Variants in FAM13A observed in about 807,000 individuals in gnomAD.
FAM13A encodes the protein protein FAM13A.
In FAM13A, 76 loss-of-function variants were observed where a neutral mutation model predicts 129.6. The ratio of observed to expected loss-of-function variants is 0.59; its 90% CI spans 0.49 to 0.71. The LOEUF (loss-of-function observed/expected upper bound fraction) is 0.71. Ranked by LOEUF, FAM13A falls within the 30% of genes least tolerant of loss-of-function variation. The pLI is 0.00. For missense variants in FAM13A, 1,108 were observed against 1,249.3 expected (o/e 0.89, Z 1.70); for synonymous variants, 443 against 449.9 (o/e 0.98, Z 0.20).
intron 7 of FAM13A, among the ~76,000 whole-genome samples, chr4:88,809,097 T>C (rs1176265885): frequency 6.6e-6 from 1 of 152,144 alleles, no homozygotes; most frequent in African/African-American, 2.4e-5. Context: ...ATTTCTAAAC[T>C]GAAGCCACAG....
intron 4 of FAM13A, among the ~76,000 whole-genome samples, chr4:88,988,082 C>T (rs1185197149): frequency 2.6e-5 from 4 of 152,042 alleles, no homozygotes; most frequent in African/African-American, 9.7e-5. Flanking sequence ...CACCATGGCA[C>T]ATGTCTACCT....
At chr4:88,935,368 A>G (rs1438574396) in intron 5 of FAM13A, among the ~76,000 whole-genome samples, 1 of 152,196 alleles carries the variant, frequency 6.6e-6, no homozygotes, top group Non-Finnish European at 1.5e-5. Flanking sequence ...ATACAGAGGT[A>G]TGTCAGTGTT....
intron 4 of FAM13A, among the ~76,000 whole-genome samples, chr4:88,949,134 C>T (rs927935308): frequency 1.3e-5 from 2 of 152,122 alleles, no homozygotes; most frequent in African/African-American, 4.8e-5. Context: ...ACCTTTGTTT[C>T]AATGATGACG....
intron 5 of FAM13A, among the ~76,000 whole-genome samples, chr4:88,907,160 C>T (rs1366328803): frequency 6.6e-6 from 1 of 152,200 alleles, no homozygotes; most frequent in Non-Finnish European, 1.5e-5. Context: ...TGCAGAGCCT[C>T]ACTTCCGAAT....
At chr4:88,760,214 A>G (rs1744508668) in intron 13 of FAM13A, among the ~76,000 whole-genome samples, 1 of 152,222 alleles carries the variant, frequency 6.6e-6, no homozygotes, top group African/African-American at 2.4e-5. Context: ...TTACTATTAT[A>G]TTTCCATGAA....
chr4:88,786,484 A>G (rs1160147005), intron 10 of FAM13A, among the ~76,000 whole-genome samples: 2 of 152,258 alleles, frequency 1.3e-5, no homozygotes, highest in Admixed American at 6.5e-5. Context: ...ACATGTCAGT[A>G]GCTAATTTTA....
intron 6 of FAM13A, among the ~76,000 whole-genome samples, chr4:88,905,023 T>G (rs1026683439): frequency 6.6e-5 from 10 of 152,188 alleles, no homozygotes; most frequent in Admixed American, 2.0e-4. Context: ...AACATTTTAC[T>G]TTACGCCCAG....
chr4:88,740,531 A>G (rs1208626116), intron 19 of FAM13A, among the ~76,000 whole-genome samples: 1 of 152,240 alleles, frequency 6.6e-6, no homozygotes, highest in Non-Finnish European at 1.5e-5. Flanking sequence ...GAGATGAAGT[A>G]TCTTTGCTTC....
intron 15 of FAM13A, 69 bp from the exon 16 acceptor site, chr4:88,749,978 A>G: frequency 6.4e-7 from 1 of 1,553,040 alleles, no homozygotes; most frequent in South Asian, 1.2e-5. Flanking sequence ...GGCCCTGGGG[A>G]AGTGGGACAC....
intron 13 of FAM13A, among the ~76,000 whole-genome samples, chr4:88,763,957 T>TA (rs1745275144): frequency 6.6e-6 from 1 of 152,216 alleles, no homozygotes; most frequent in Non-Finnish European, 1.5e-5. Flanking sequence ...TTTCTGGTTA[T>TA]AATATTAAAA....
chr4:88,837,168 A>G (rs1389939496), intron 7 of FAM13A, among the ~76,000 whole-genome samples: 1 of 149,624 alleles, frequency 6.7e-6, no homozygotes. Flanking sequence ...CTAATTTTGT[A>G]TTTTTAGTAG....
chr4:88,813,305 A>C (rs1201221442), intron 7 of FAM13A, among the ~76,000 whole-genome samples: 1 of 152,202 alleles, frequency 6.6e-6, no homozygotes, highest in East Asian at 1.9e-4. Context: ...TTTGTCTTTA[A>C]GATCTTGTTC....
intron 6 of FAM13A, among the ~76,000 whole-genome samples, chr4:88,901,588 T>A (rs1168924996): frequency 6.6e-6 from 1 of 152,026 alleles, no homozygotes. Context: ...TCTTTGAAAC[T>A]ATGAGAAGAA....
chr4:89,002,588 C>G (rs1037941805), intron 3 of FAM13A, among the ~76,000 whole-genome samples: 9 of 152,136 alleles, frequency 5.9e-5, no homozygotes, highest in Non-Finnish European at 1.0e-4. Flanking sequence ...TGGGCATCCC[C>G]AAATGACACA....
intron 4 of FAM13A, among the ~76,000 whole-genome samples, chr4:88,953,310 C>T (rs980418461): frequency 2.6e-5 from 4 of 151,888 alleles, no homozygotes; most frequent in East Asian, 1.9e-4. Flanking sequence ...CAAAAATTAG[C>T]CGGGCGTGGT....
Position 88,747,723 on chromosome 4 carries a change from C to T in FAM13A, c.2290G>A (p.Ala764Thr), listed in dbSNP as rs757247368. 1.9e-6 allele frequency: 3 copies of T among 1,614,050 alleles called. No individual in the cohort carries two copies. The highest frequency in any genetic ancestry group is 2.5e-6 in the Non-Finnish European group (3 of 1,180,016). ...DEKKQELVDK[A>T]IKPSVEATLE... ...GTGGCTTCAACACTGGGCTTTATTGCTTTATCCACCAGCTCTTGCTTCTTC... is the reference window on the plus strand; with the variant it reads ...GTGGCTTCAACACTGGGCTTTATTGTTTTATCCACCAGCTCTTGCTTCTTC... The change falls in exon 18 of 24, where the codon GCA (alanine) becomes ACA (threonine). Residue 764 changes from alanine to threonine, a missense_variant. Physicochemically the swap from Ala to Thr is moderately conservative, Grantham distance 58. Coordinates refer to ENST00000264344, the MANE Select transcript of FAM13A (RefSeq NM_014883.4).
chr4:89,016,077 T>C (rs918031570), intron 3 of FAM13A, among the ~76,000 whole-genome samples: 2 of 152,028 alleles, frequency 1.3e-5, no homozygotes, highest in Non-Finnish European at 2.9e-5. Context: ...TCCACAAGTG[T>C]TACTGTTCCT....
At chr4:88,937,470 A>T (rs890081604) in intron 5 of FAM13A, 2 of 152,178 alleles carry the variant, frequency 1.3e-5, no homozygotes, top group African/African-American at 4.8e-5. Context: ...TTACCCTCTG[A>T]TTCTCAATTC....
chr4:88,824,180 T>C lies in FAM13A; in HGVS notation c.1008-19128A>G, dbSNP rs965449845. 2.6e-5 allele frequency among the ~76,000 whole-genome samples: 4 copies of C among 151,902 alleles called. No individual in the cohort carries two copies. In the East Asian group the frequency reaches 7.7e-4, roughly 29 times the overall value. The stretch of plus-strand genomic sequence containing the variant: ...CATTTTAAGAAAAATAGCAGAAATA[T>C]ATTTACATGATATTTTTTTCACATC... On this transcript the variant is annotated intron_variant, in intron 7 of 23. Transcript: ENST00000264344.
Sources: gnomAD v4.1 joint callset for allele counts (sites outside exome capture counted in the v4.1 genomes callset) on GRCh38, gnomAD v4.1.1 for gene constraint, MANE v1.5 for transcripts, NCBI Gene and HGNC (gene_info 2026-07-23, HGNC 2026-07-21) for gene names.